ZFAT: variants seen among roughly 807,000 people sequenced by gnomAD.
ZFAT encodes the protein zinc finger and AT-hook domain containing.
Under a neutral mutation model 117.7 loss-of-function variants are expected in ZFAT, and 64 were observed. The observed-to-expected ratio is 0.54, with a 90% CI of 0.44 to 0.67. The LOEUF (loss-of-function observed/expected upper bound fraction) is 0.67, where lower values mean the gene tolerates loss of function less well. ZFAT is among the 30% of genes least tolerant of loss of function. The probability of loss-of-function intolerance (pLI) is 0.00; values close to 1 mark genes in which losing one functional copy is unlikely to be tolerated. For missense variants in ZFAT, 1,433 were observed against 1,584.5 expected, an observed-to-expected ratio of 0.90 and a Z score of 1.62; for synonymous variants, 679 against 615.0, an observed-to-expected ratio of 1.10 and a Z score of -1.54.
chr8:134,639,653 C>T, intron 2 of ZFAT: 8 of 455,980 alleles, frequency 1.8e-5, no homozygotes, highest in South Asian at 1.2e-4. Context: ...AACCATTTCC[C>T]TTGGAGTCTT....
chr8:134,655,008 G>A (rs1468010390), intron 2 of ZFAT, among the ~76,000 whole-genome samples: 1 of 152,208 alleles, frequency 6.6e-6, no homozygotes, highest in Non-Finnish European at 1.5e-5. Flanking sequence ...CCCAAGCTGA[G>A]TGAGTCCCAG....
At chr8:134,538,524 G>A (rs768005932) in intron 11 of ZFAT, among the ~76,000 whole-genome samples, 11 of 152,176 alleles carry the variant, frequency 7.2e-5, no homozygotes, top group African/African-American at 2.4e-4. Flanking sequence ...TGGGCCAGGC[G>A]CAGTGGCTCA....
intron 1 of ZFAT, among the ~76,000 whole-genome samples, chr8:134,660,555 A>C (rs554263000): frequency 1.3e-5 from 2 of 152,372 alleles, no homozygotes; most frequent in Admixed American, 1.3e-4. Context: ...ACAGATAGAC[A>C]TGTCACAGAA....
the ZFAT span, among the ~76,000 whole-genome samples, chr8:134,769,940 C>A: frequency 1.3e-5 from 2 of 152,224 alleles, no homozygotes; most frequent in Non-Finnish European, 2.9e-5. Flanking sequence ...CCCTTTCAGC[C>A]ACGGTTGGAG....
intron 10 of ZFAT, 81 bp from the exon 11 acceptor site, chr8:134,565,502 G>T: frequency 7.7e-7 from 1 of 1,291,040 alleles, no homozygotes. Flanking sequence ...ATGGAGCCAG[G>T]TACACAAAGG....
At chr8:134,527,640 C>G (rs375988729) in intron 12 of ZFAT, among the ~76,000 whole-genome samples, 30 of 152,320 alleles carry the variant, frequency 2.0e-4, no homozygotes, top group African/African-American at 6.0e-4. Context: ...TGGAGGGTTC[C>G]TGGTGACATG....
chr8:134,753,454 G>A, the ZFAT span, among the ~76,000 whole-genome samples: 1 of 152,184 alleles, frequency 6.6e-6, no homozygotes, highest in South Asian at 2.1e-4. Context: ...ATGACTGGCT[G>A]TTAGCTTTAA....
At chr8:134,521,608 A>G (rs1820661806) in intron 12 of ZFAT, among the ~76,000 whole-genome samples, 1 of 152,250 alleles carries the variant, frequency 6.6e-6, no homozygotes, top group South Asian at 2.1e-4. Context: ...TGCTTTAATT[A>G]AGAGAATGTA....
intron 7 of ZFAT, chr8:134,599,053 T>A (rs1827192438): frequency 6.6e-6 from 1 of 152,238 alleles, no homozygotes. Flanking sequence ...CAAAATCACT[T>A]TAATGAATTC....
chr8:134,568,734 T>C (rs927812043), intron 10 of ZFAT, among the ~76,000 whole-genome samples: 7 of 152,212 alleles, frequency 4.6e-5, no homozygotes, highest in African/African-American at 1.7e-4. Flanking sequence ...TGGCAATAAA[T>C]ATTACTAATG....
chr8:134,805,005 C>T, the ZFAT span: 2 of 494,292 alleles, frequency 4.0e-6, no homozygotes, highest in East Asian at 1.2e-4. Context: ...CAGTCATCAT[C>T]TTCAGCTAAT....
the ZFAT span, among the ~76,000 whole-genome samples, chr8:134,734,826 G>C: frequency 1.3e-5 from 2 of 152,214 alleles, no homozygotes; most frequent in African/African-American, 4.8e-5. Flanking sequence ...GAAAGAGCGA[G>C]CTGGTGCAGC....
intron 1 of ZFAT, among the ~76,000 whole-genome samples, chr8:134,702,598 T>C (rs1834041689): frequency 6.6e-6 from 1 of 152,042 alleles, no homozygotes; most frequent in Admixed American, 6.5e-5. Flanking sequence ...AAGTGCCTTT[T>C]GCCTTCTGCC....
intron 11 of ZFAT, among the ~76,000 whole-genome samples, chr8:134,545,544 T>A (rs768719378): frequency 1.3e-5 from 2 of 152,316 alleles, no homozygotes; most frequent in South Asian, 4.1e-4. Context: ...CATACGTGGT[T>A]GGCAAAACTA....
At chr8:134,610,444 T>C in intron 4 of ZFAT, 26 bp downstream of exon 4, 2 of 1,603,582 alleles carry the variant, frequency 1.2e-6, no homozygotes, top group Non-Finnish European at 8.5e-7. Context: ...GGTCTTGCCT[T>C]TTCCTTTCCC....
chr8:134,820,517 G>C, the ZFAT span, among the ~76,000 whole-genome samples: 1 of 152,214 alleles, frequency 6.6e-6, no homozygotes, highest in Non-Finnish European at 1.5e-5. Context: ...TTACAGCACA[G>C]TATTTATCTC....
intron 1 of ZFAT, among the ~76,000 whole-genome samples, chr8:134,659,684 T>A (rs1831833631): frequency 6.6e-6 from 1 of 152,204 alleles, no homozygotes. Flanking sequence ...TTCTCCCATC[T>A]TAAAATGAAA....
chr8:134,481,019 CG>C (rs1367206300), intron 15 of ZFAT, among the ~76,000 whole-genome samples: 2 of 152,130 alleles, frequency 1.3e-5, no homozygotes, highest in East Asian at 3.8e-4. Context: ...AGAATTCACC[CG>C]GAGCTGGAGA....
intron 3 of ZFAT, among the ~76,000 whole-genome samples, chr8:134,618,787 C>G (rs1446362977): frequency 1.3e-5 from 2 of 152,148 alleles, no homozygotes; most frequent in Non-Finnish European, 2.9e-5. Flanking sequence ...CACACTATAG[C>G]ATTTATTTTC....
Sources: gnomAD v4.1 joint callset for allele counts (sites outside exome capture counted in the v4.1 genomes callset) on GRCh38, gnomAD v4.1.1 for gene constraint, MANE v1.5 for transcripts, NCBI Gene and HGNC (gene_info 2026-07-23, HGNC 2026-07-21) for gene names.